Variants in IL12RB1 observed in about 807,000 individuals in gnomAD.
IL12RB1 encodes interleukin 12 receptor subunit beta 1.
Under a neutral mutation model 94.4 loss-of-function variants are expected in IL12RB1, and 64 were observed. That is an observed-to-expected ratio of 0.68 (90% CI 0.55 to 0.83). IL12RB1 has a LOEUF of 0.83. Among genes scored for constraint, IL12RB1 ranks in the 40% least tolerant of loss-of-function variants. IL12RB1 has a pLI of 0.00. For synonymous variants in IL12RB1, 362 were observed against 355.5 expected (o/e 1.02, Z -0.21); for missense variants, 814 against 855.6 (o/e 0.95, Z 0.61).
chr19:18,089,534 A>C (rs2036538586), upstream of IL12RB1, among the ~76,000 whole-genome samples: 1 of 151,730 alleles, frequency 6.6e-6, no homozygotes, highest in Admixed American at 6.6e-5. Flanking sequence ...CTGAGGCAGG[A>C]GAATCGCTTG....
At chr19:18,089,146 C>A (rs1165604645), upstream of IL12RB1, among the ~76,000 whole-genome samples, 1 of 151,074 alleles carries the variant, frequency 6.6e-6, no homozygotes, top group African/African-American at 2.4e-5. Flanking sequence ...CCAAAATAGG[C>A]AAATGTACAG....
intron 2 of IL12RB1, 99 bp downstream of exon 2, chr19:18,083,333 C>CT: frequency 1.8e-6 from 2 of 1,134,668 alleles, no homozygotes; most frequent in Non-Finnish European, 2.7e-6. Flanking sequence ...AGGGCTGGGT[C>CT]TTTGGCCTGG....
intron 9 of IL12RB1, 111 bp from the exon 10 acceptor site, chr19:18,069,824 A>G: frequency 1.4e-5 from 11 of 814,016 alleles, no homozygotes; most frequent in Non-Finnish European, 2.1e-5. Context: ...CCCTGACCCT[A>G]CAGGGCCAGG....
At chr19:18,085,659 G>A (rs1471575328) in intron 1 of IL12RB1, among the ~76,000 whole-genome samples, 2 of 152,010 alleles carry the variant, frequency 1.3e-5, no homozygotes, top group Admixed American at 6.6e-5. Context: ...ACACAGGCTG[G>A]AATGCAGTGC....
At chr19:18,074,608 G>A (rs546041693) in intron 7 of IL12RB1, among the ~76,000 whole-genome samples, 19 of 152,218 alleles carry the variant, frequency 1.2e-4, no homozygotes, top group Admixed American at 3.3e-4. Context: ...TTAGCTGGGC[G>A]TGGTGGTGCA....
At chr19:18,094,591 C>T (rs1216745780) in intron 1 of IL12RB1, among the ~76,000 whole-genome samples, 1 of 152,180 alleles carries the variant, frequency 6.6e-6, no homozygotes, top group East Asian at 1.9e-4. Flanking sequence ...TTGCTGGGCG[C>T]AGTGGCTCAT....
Position 18,098,268 on chromosome 19 carries a change from C to G in IL12RB1, c.-230+487G>C, listed in dbSNP as rs765717103. Among the ~76,000 whole-genome samples, 3 of 152,270 alleles carry G rather than the reference C, an allele frequency of 2.0e-5. No homozygotes were observed. In the South Asian group the frequency reaches 6.2e-4, roughly 32 times the overall value. On this transcript the variant is annotated intron_variant, in intron 1 of 4. Transcript: ENST00000594176. The stretch of plus-strand genomic sequence containing the variant: ...GTACACCCTCAGCTCAGCCCTACGA[C>G]GACCTGGGGAGGTTGGGGCTGTCAG...
At chr19:18,063,078 A>ATTTTTTTTTCTTT (rs2034287878) in intron 13 of IL12RB1, among the ~76,000 whole-genome samples, 1 of 51,432 alleles carries the variant, frequency 1.9e-5, no homozygotes, top group Non-Finnish European at 3.1e-5. Context: ...TTCTTCTTCT[A>ATTTTTTTTTCTTT]TTTTTTTTTT....
chr19:18,074,772 C>A (rs17879435), intron 7 of IL12RB1, among the ~76,000 whole-genome samples: 19,389 of 151,268 alleles, frequency 0.13, 1,364 homozygotes, highest in East Asian at 0.28. Flanking sequence ...TAGCAGTAGG[C>A]CGGGCGCGGT....
chr19:18,076,597 T>C (rs146332014), intron 5 of IL12RB1, among the ~76,000 whole-genome samples: 169 of 152,144 alleles, frequency 1.1e-3, no homozygotes, highest in African/African-American at 3.8e-3. Context: ...AGAGACGGGA[T>C]TTCACCATGT....
intron 3 of IL12RB1, 54 bp from the exon 4 acceptor site, chr19:18,081,055 C>G (rs910617002): frequency 2.2e-5 from 33 of 1,501,448 alleles, no homozygotes; most frequent in Non-Finnish European, 2.9e-5. Context: ...GTGGACCCCA[C>G]AGCCGACTTT....
intron 4 of IL12RB1, among the ~76,000 whole-genome samples, chr19:18,079,256 A>G (rs2035706490): frequency 6.6e-6 from 1 of 151,736 alleles, no homozygotes; most frequent in African/African-American, 2.4e-5. Context: ...GGCGCCCGCC[A>G]CCACACTCGG....
chr19:18,074,322 G>T (rs1320078220), intron 7 of IL12RB1, among the ~76,000 whole-genome samples: 1 of 152,086 alleles, frequency 6.6e-6, no homozygotes, highest in Admixed American at 6.6e-5. Context: ...TTTCTGCATG[G>T]TTTGAAACCC....
intron 6 of IL12RB1, 60 bp from the exon 7 acceptor site, chr19:18,075,928 A>G: frequency 6.4e-7 from 1 of 1,561,684 alleles, no homozygotes. Context: ...GGCACCAGTC[A>G]CTTAACCATC....
chr19:18,062,210 C>A lies in IL12RB1; in HGVS notation c.1686G>T (p.Val562=). Residue 562 remains valine (V), a synonymous_variant, in exon 14 of 17, where the codon GTG becomes GTT. Coordinates refer to ENST00000593993, the MANE Select transcript of IL12RB1 (RefSeq NM_005535.3). ...TCAGGCCAAGGTAGCCAAGGACGCC[C>A]ACGAGAAGGATGCTCAGGAAGCTCC... ...SLGSFLSILL[V]GVLGYLGLNR... is the part of the protein sequence containing the mutation. 1 of 1,613,274 alleles carries A rather than the reference C, an allele frequency of 6.2e-7. No individual in the cohort carries two copies. The highest frequency in any genetic ancestry group is 1.1e-5 in the South Asian group (1 of 91,058).
chr19:18,088,343 G>A (rs1218969824), upstream of IL12RB1, among the ~76,000 whole-genome samples: 4 of 150,216 alleles, frequency 2.7e-5, no homozygotes, highest in Admixed American at 6.7e-5. Flanking sequence ...CCGAGATCGC[G>A]CCACTGCACT....
At position 18,069,728 on chromosome 19, in the gene IL12RB1, G is replaced by A. The variant is rs1303695513; in HGVS notation, c.1022-15C>T. On this transcript the variant is annotated splice_polypyrimidine_tract_variant and intron_variant, in intron 9 of 16. Transcript: ENST00000593993. ...AGCCACTGGTTCTGGAAGGAGAGGG[G>A]AGAGACGCATCGAGACAGTTGCCAT... 1 of 1,597,888 alleles carries A rather than the reference G, an allele frequency of 6.3e-7. No homozygotes were observed. Among genetic ancestry groups the A allele is most frequent in the African/African-American group, 1.3e-5 (1 of 74,608 alleles).
chr19:18,070,120 G>A (rs573418393), intron 9 of IL12RB1, among the ~76,000 whole-genome samples: 4 of 152,030 alleles, frequency 2.6e-5, no homozygotes, highest in Non-Finnish European at 5.9e-5. Flanking sequence ...GGGTTTCACC[G>A]TGTTGCCCAG....
At chr19:18,083,275 A>G in intron 2 of IL12RB1, 157 bp downstream of exon 2, 4 of 767,572 alleles carry the variant, frequency 5.2e-6, no homozygotes, top group Non-Finnish European at 9.5e-6. Context: ...TGAACCTGGT[A>G]AGAATGGGCC....
Sources: allele counts gnomAD v4.1 joint callset (sites outside exome capture counted in the v4.1 genomes callset), GRCh38; gene constraint gnomAD v4.1.1; transcripts MANE v1.5; gene names NCBI Gene and HGNC (gene_info 2026-07-23, HGNC 2026-07-21).